FAM124A: variants seen among roughly 807,000 people sequenced by gnomAD.
FAM124A encodes the protein protein FAM124A.
In FAM124A, 23 loss-of-function variants were observed where a neutral mutation model predicts 24.5. The ratio of observed to expected loss-of-function variants is 0.94; its 90% confidence interval spans 0.68 to 1.33. The LOEUF (loss-of-function observed/expected upper bound fraction) is 1.33. FAM124A is among the 40% of genes most tolerant of loss of function. The probability of loss-of-function intolerance (pLI) is 0.00; values close to 1 mark genes in which losing one functional copy is unlikely to be tolerated. For synonymous variants in FAM124A, 287 were observed against 314.7 expected (o/e 0.91, Z 0.93); for missense variants, 623 against 722.8 (o/e 0.86, Z 1.58).
intron 3 of FAM124A, among the ~76,000 whole-genome samples, chr13:51,277,673 G>A (rs1954897213): frequency 1.3e-5 from 2 of 152,128 alleles, no homozygotes; most frequent in African/African-American, 4.8e-5. Context: ...ACGTGCCTGT[G>A]GTCCCAGCTA....
chr13:51,222,598 G>A, intron 1 of FAM124A, 29 bp downstream of exon 1: 4 of 1,218,044 alleles, frequency 3.3e-6, no homozygotes, highest in Non-Finnish European at 4.1e-6. Context: ...GGCCGCGGGC[G>A]GGGGGCGCTC....
Position 51,281,379 on chromosome 13 carries a change from A to G in FAM124A, c.*123A>G. 2 of 982,472 alleles carry G rather than the reference A, an allele frequency of 2.0e-6. No individual in the cohort carries two copies. The highest frequency in any genetic ancestry group is 2.9e-6 in the Non-Finnish European group (2 of 697,858). The allele number at this position is 982,472 out of a possible 1,614,324, so 60.9% of individuals were successfully genotyped here. A position where few individuals can be genotyped will look rare whatever the true frequency, so the allele number is the denominator to read the frequency against. On this transcript the variant is annotated 3_prime_UTR_variant, in exon 4 of 4. Coordinates refer to ENST00000322475, the MANE Select transcript of FAM124A (RefSeq NM_001242312.2). ...TCCATTTCCCAGGAGCCCGTAGCAC[A>G]TTTGCCTACCACCCACTCTTAGCTG...
intron 1 of FAM124A, among the ~76,000 whole-genome samples, chr13:51,223,746 A>T (rs1566157897): frequency 6.6e-6 from 1 of 152,142 alleles, no homozygotes; most frequent in African/African-American, 2.4e-5. Flanking sequence ...CCCAATTATA[A>T]TCTGGTGGAG....
intron 3 of FAM124A, among the ~76,000 whole-genome samples, chr13:51,261,017 C>A (rs975158234): frequency 2.0e-5 from 3 of 152,234 alleles, no homozygotes; most frequent in African/African-American, 7.2e-5. Context: ...AAATTAATAA[C>A]AGGCTCAGTA....
intron 2 of FAM124A, among the ~76,000 whole-genome samples, chr13:51,231,828 A>G (rs1485689443): frequency 2.0e-5 from 3 of 152,170 alleles, no homozygotes; most frequent in East Asian, 1.9e-4. Flanking sequence ...GGGAACATCT[A>G]TCTCTGGCAA....
rs542484383 is a variant in FAM124A at position 51,282,809 on chromosome 13, C to T, written c.*1553C>T. 6.6e-6 allele frequency: 1 copy of T among 152,326 alleles called. No homozygotes were observed. The highest frequency in any genetic ancestry group is 2.4e-5 in the African/African-American group (1 of 41,574). The allele number at this position is 152,326 out of a possible 1,614,324, so 9.4% of individuals were successfully genotyped here. On this transcript the variant is annotated 3_prime_UTR_variant, in exon 4 of 4. Transcript: ENST00000322475. ...GGCCTTGCCCCAAGCATTCTGGACTCTCTAACACTCAGAATTGTAATGTAA... is the reference window on the plus strand; with the variant it reads ...GGCCTTGCCCCAAGCATTCTGGACTTTCTAACACTCAGAATTGTAATGTAA...
chr13:51,246,449 G>A (rs897862432), intron 2 of FAM124A, among the ~76,000 whole-genome samples: 4 of 149,496 alleles, frequency 2.7e-5, no homozygotes, highest in Admixed American at 6.7e-5. Context: ...TTGAAGCTGC[G>A]TTCTGTGTTC....
At chr13:51,230,294 G>A (rs1221312149) in intron 1 of FAM124A, among the ~76,000 whole-genome samples, 1 of 152,070 alleles carries the variant, frequency 6.6e-6, no homozygotes, top group Non-Finnish European at 1.5e-5. Context: ...TCAGTAAGAG[G>A]CATGCTGCTT....
At chr13:51,261,685 G>A (rs1954740265) in intron 3 of FAM124A, among the ~76,000 whole-genome samples, 1 of 152,140 alleles carries the variant, frequency 6.6e-6, no homozygotes, top group African/African-American at 2.4e-5. Context: ...TATTTAGTTT[G>A]GTCCGTTCAG....
Position 51,281,159 on chromosome 13 carries a change from G to T in FAM124A, c.1544G>T (p.Cys515Phe). The change falls in exon 4 of 4, where the codon TGC becomes TTC. Residue 515 changes from cysteine to phenylalanine, a missense_variant. Coordinates refer to ENST00000322475, the MANE Select transcript of FAM124A (RefSeq NM_001242312.2). ...ACAGACTCCTCCCCACAGCTCCCAT[G>T]CGATACCCCCAAAGTCAAGCAGACT... ...TLTDSSPQLP[C>F]DTPKVKQTDG... 1 of 1,613,852 alleles carries T rather than the reference G, an allele frequency of 6.2e-7. No individual in the cohort carries two copies. The highest frequency in any genetic ancestry group is 8.5e-7 in the Non-Finnish European group (1 of 1,179,968).
chr13:51,250,124 A>G (rs1954602944), intron 2 of FAM124A, among the ~76,000 whole-genome samples: 1 of 152,262 alleles, frequency 6.6e-6, no homozygotes, highest in Non-Finnish European at 1.5e-5. Context: ...AATTAAAACC[A>G]TGTTATTGCA....
At chr13:51,248,085 C>T (rs1174993224) in intron 2 of FAM124A, among the ~76,000 whole-genome samples, 1 of 152,184 alleles carries the variant, frequency 6.6e-6, no homozygotes, top group East Asian at 1.9e-4. Flanking sequence ...GTAACTGGCC[C>T]ATCCTTAAAT....
At chr13:51,271,035 G>A (rs1163043386) in intron 3 of FAM124A, among the ~76,000 whole-genome samples, 2 of 152,194 alleles carry the variant, frequency 1.3e-5, no homozygotes, top group Non-Finnish European at 2.9e-5. Context: ...AAATGTGGCA[G>A]TGGAAATTCA....
chr13:51,272,992 C>G lies in FAM124A; in HGVS notation c.835-7458C>G, dbSNP rs1340136999. 6.6e-6 allele frequency among the ~76,000 whole-genome samples: 1 copy of G among 152,022 alleles called. No homozygotes were observed. Among genetic ancestry groups the G allele is most frequent in the Non-Finnish European group, 1.5e-5 (1 of 67,970 alleles). On this transcript the variant is annotated intron_variant, in intron 3 of 3. Coordinates refer to ENST00000322475, the MANE Select transcript of FAM124A (RefSeq NM_001242312.2). The surrounding 1 kb of genome is among the most constrained non-coding windows in gnomAD (Gnocchi z 4.2). ...TAAGGGTAAAACCTCTTTTTTTCCC[C>G]CATTATAAGCTTTGTAGAACTAATG... is the stretch of plus-strand genomic sequence containing the variant.
intron 3 of FAM124A, among the ~76,000 whole-genome samples, chr13:51,266,177 C>T (rs1477586060): frequency 1.3e-5 from 2 of 152,110 alleles, no homozygotes; most frequent in Non-Finnish European, 2.9e-5. Flanking sequence ...GTTTTGGGGG[C>T]CTTTCCCCAG....
chr13:51,257,968 A>T (rs1012768637), intron 3 of FAM124A, among the ~76,000 whole-genome samples: 4 of 152,212 alleles, frequency 2.6e-5, no homozygotes, highest in Non-Finnish European at 5.9e-5. Context: ...AGAGTTCTGG[A>T]GGCTAGAAGT....
intron 2 of FAM124A, among the ~76,000 whole-genome samples, chr13:51,235,684 T>A (rs977682142): frequency 2.6e-5 from 4 of 152,242 alleles, no homozygotes; most frequent in African/African-American, 9.6e-5. Flanking sequence ...CAAAACTCAG[T>A]TAGTCATGAG....
At position 51,281,083 on chromosome 13, in the gene FAM124A, T is replaced by G; in HGVS notation, c.1468T>G (p.Ser490Ala). The G allele has an allele frequency of 6.2e-7, 1 of 1,613,986 alleles. No homozygotes were observed. The stretch of plus-strand genomic sequence containing the variant: ...TTTCTTCACCAAAAGGTCTTCCAGC[T>G]CCTCAGCGACAGCTCGTGCTGCTCC... Reference protein sequence around the residue: ...LPFFTKRSSSSSATARAAPPA... With the variant: ...LPFFTKRSSSASATARAAPPA... The change falls in exon 4 of 4, where the codon TCC (serine) becomes GCC (alanine). Residue 490 changes from serine to alanine, a missense_variant. Coordinates refer to ENST00000322475, the MANE Select transcript of FAM124A (RefSeq NM_001242312.2).
Position 51,222,448 on chromosome 13 carries a change from G to A in FAM124A, c.-54G>A. 6.7e-6 allele frequency: 8 copies of A among 1,186,380 alleles called. No individual in the cohort carries two copies. The highest frequency in any genetic ancestry group is 7.3e-6 in the Non-Finnish European group (7 of 958,800). The allele number at this position is 1,186,380 out of a possible 1,614,324, so 73.5% of individuals were successfully genotyped here. A position where few individuals can be genotyped will look rare whatever the true frequency, so the allele number is the denominator to read the frequency against. On this transcript the variant is annotated 5_prime_UTR_variant, in exon 1 of 4. Coordinates refer to ENST00000322475, the MANE Select transcript of FAM124A (RefSeq NM_001242312.2). ...CTCGGACTGGGCGGCCGGGAGGGAG[G>A]GCGCCCCGGGTCACGACGGCGCCCG...
Sources: gnomAD v4.1 joint callset for allele counts (sites outside exome capture counted in the v4.1 genomes callset) on GRCh38, gnomAD v4.1.1 for gene constraint, Gnocchi (gnomAD v3.1) non-coding constraint, MANE v1.5 for transcripts, NCBI Gene and HGNC (gene_info 2026-07-23, HGNC 2026-07-21) for gene names.